Variants in TRPC3 observed in about 807,000 individuals in gnomAD.
The protein encoded by TRPC3 is short transient receptor potential channel 3.
In TRPC3, 54 loss-of-function variants were observed where a neutral mutation model predicts 90.9. The observed-to-expected ratio is 0.59, with a 90% CI of 0.48 to 0.75. The LOEUF (loss-of-function observed/expected upper bound fraction) is 0.75, where lower values mean the gene tolerates loss of function less well. Ranked by LOEUF, TRPC3 falls within the 30% of genes least tolerant of loss-of-function variation. TRPC3 has a pLI of 0.00. For missense variants in TRPC3, 918 were observed against 1,194.5 expected, an observed-to-expected ratio of 0.77 and a Z score of 3.41; for synonymous variants, 424 against 450.9, an observed-to-expected ratio of 0.94 and a Z score of 0.75.
At chr4:121,886,795 T>G (rs1010968273) in intron 10 of TRPC3, among the ~76,000 whole-genome samples, 1 of 152,116 alleles carries the variant, frequency 6.6e-6, no homozygotes, top group Non-Finnish European at 1.5e-5. Context: ...TCTGTTGACC[T>G]AAAGAAAAAA....
At chr4:121,939,958 G>A (rs1730248595) in intron 1 of TRPC3, among the ~76,000 whole-genome samples, 1 of 152,194 alleles carries the variant, frequency 6.6e-6, no homozygotes, top group African/African-American at 2.4e-5. Context: ...GCAGGGGAAA[G>A]GGTAGTTCCC....
chr4:121,881,776 C>G, intron 11 of TRPC3, among the ~76,000 whole-genome samples: 1 of 152,062 alleles, frequency 6.6e-6, no homozygotes, highest in South Asian at 2.1e-4. Context: ...GTGTTTAGCT[C>G]TACATCCTAG....
In TRPC3 at chr4:121,874,922, A is replaced by G. The variant is rs575346939; in HGVS notation, c.*4814T>C. Among the ~76,000 whole-genome samples the G allele has an allele frequency of 1.4e-3, 220 of 152,262 alleles. No homozygotes were observed. The highest frequency in any genetic ancestry group is 3.4e-3 in the Middle Eastern group (1 of 294). On this transcript the variant is annotated 3_prime_UTR_variant, in exon 12 of 12. Transcript: ENST00000379645. ...TGAGGCTCAAGATTGCTTGAGCCCA[A>G]CAATCCAGCCTGGGCAAAATAGCAA... is the stretch of plus-strand genomic sequence containing the variant.
At chr4:121,890,584 C>G (rs560929702) in intron 10 of TRPC3, among the ~76,000 whole-genome samples, 2 of 152,174 alleles carry the variant, frequency 1.3e-5, no homozygotes, top group Admixed American at 6.5e-5. Flanking sequence ...ATTCAGCAGG[C>G]TTTAAATTGG....
intron 8 of TRPC3, 107 bp downstream of exon 8, chr4:121,904,215 G>A: frequency 1.1e-6 from 1 of 950,554 alleles, no homozygotes; most frequent in Non-Finnish European, 1.5e-6. Context: ...GTGGATATAA[G>A]CCTCTTTGTT....
chr4:121,912,970 T>C (rs1355339699), intron 4 of TRPC3, among the ~76,000 whole-genome samples: 2 of 152,256 alleles, frequency 1.3e-5, no homozygotes, highest in African/African-American at 4.8e-5. Context: ...CAGACCCTGC[T>C]TTTTAACTCT....
chr4:121,937,622 A>G (rs1314871418), intron 1 of TRPC3, among the ~76,000 whole-genome samples: 1 of 152,234 alleles, frequency 6.6e-6, no homozygotes, highest in Non-Finnish European at 1.5e-5. Flanking sequence ...AAAGAGTTAA[A>G]GAGATTGTTC....
rs965386017 is a variant in TRPC3, at chr4:121,879,260, A to G, written c.*476T>C. 2.0e-5 allele frequency: 3 copies of G among 151,788 alleles called. No homozygotes were observed. Among genetic ancestry groups the G allele is most frequent in the Admixed American group, 2.0e-4 (3 of 15,218 alleles). 9.4% of individuals were successfully genotyped at this position (151,788 alleles called of 1,614,324 possible). A position where few individuals can be genotyped will look rare whatever the true frequency, so the allele number is the denominator to read the frequency against. On this transcript the variant is annotated 3_prime_UTR_variant, in exon 12 of 12. Transcript: ENST00000379645. ...AAAAAAAAAAAAAAACCTCTTCAGA[A>G]CTTGGACAAGGGAAGGTATGCTACA...
intron 4 of TRPC3, among the ~76,000 whole-genome samples, chr4:121,913,376 G>T (rs1050842061): frequency 6.6e-6 from 1 of 152,148 alleles, no homozygotes; most frequent in Non-Finnish European, 1.5e-5. Flanking sequence ...TTGCTATGTT[G>T]CCTTTTTCCA....
At chr4:121,881,402 C>G (rs913309764) in intron 11 of TRPC3, among the ~76,000 whole-genome samples, 6 of 152,042 alleles carry the variant, frequency 3.9e-5, no homozygotes, top group African/African-American at 1.4e-4. Flanking sequence ...TCTCCACCCC[C>G]CATGGAGATT....
rs1297015912 is a variant in TRPC3, at chr4:121,910,099, T to C, written c.1792+55A>G. 15 of 1,402,844 alleles carry C rather than the reference T, an allele frequency of 1.1e-5. No homozygotes were observed. The Admixed American group carries it at 2.1e-4, about 19-fold the overall frequency. The allele number at this position is 1,402,844 out of a possible 1,614,324, so 86.9% of individuals were successfully genotyped here. A position where few individuals can be genotyped will look rare whatever the true frequency, so the allele number is the denominator to read the frequency against. On this transcript the variant is annotated intron_variant, in intron 6 of 11. Transcript: ENST00000379645. ...CTCCAATTGGCATTTCCTTCCAAAA[T>C]GTGGTTCCAATACCTTTCCCAAAAC...
At chr4:121,894,804 TC>T (rs2149111803) in intron 10 of TRPC3, among the ~76,000 whole-genome samples, 1 of 152,108 alleles carries the variant, frequency 6.6e-6, no homozygotes, top group Admixed American at 6.5e-5. Flanking sequence ...GCTTAAGCAA[TC>T]CTTCTGCCTT....
In TRPC3 at chr4:121,902,875, C is replaced by T; in HGVS notation, c.2440G>A (p.Gly814Arg). The part of the protein sequence containing the change: ...RRRLQKDIEM[G>R]MGNSKSRLNL... ...ACCCTGGACTTTGAGTTACCCATTC[C>T]CATTTCTATATCCTTCTGAAGCCTT... The change falls in exon 9 of 12, where the codon GGA becomes AGA. Residue 814 changes from glycine to arginine, a missense_variant. Transcript: ENST00000379645. The T allele has an allele frequency of 6.2e-7, 1 of 1,610,378 alleles. No homozygotes were observed. Among genetic ancestry groups the T allele is most frequent in the Non-Finnish European group, 8.5e-7 (1 of 1,178,478 alleles).
chr4:121,948,065 T>C (rs1372804333), intron 1 of TRPC3, among the ~76,000 whole-genome samples: 1 of 152,200 alleles, frequency 6.6e-6, no homozygotes, highest in African/African-American at 2.4e-5. Context: ...TAATCTCATG[T>C]AGTCACACAA....
At chr4:121,899,719 A>C in intron 9 of TRPC3, 24 bp from the exon 10 acceptor site, 1 of 1,507,870 alleles carries the variant, frequency 6.6e-7, no homozygotes, top group Non-Finnish European at 9.2e-7. Flanking sequence ...CAATTAACCT[A>C]GTAAATTAGA....
chr4:121,918,796 G>A (rs1560705067), intron 3 of TRPC3, among the ~76,000 whole-genome samples: 1 of 152,154 alleles, frequency 6.6e-6, no homozygotes, highest in Non-Finnish European at 1.5e-5. Flanking sequence ...TACACAAGGA[G>A]CATTTCAAAA....
At chr4:121,924,156 G>A (rs763318621) in intron 3 of TRPC3, among the ~76,000 whole-genome samples, 31 of 152,242 alleles carry the variant, frequency 2.0e-4, no homozygotes, top group Non-Finnish European at 2.2e-4. Context: ...GCAATCCTCA[G>A]TTTCCTTGTA....
chr4:121,896,042 C>T (rs1452057541), intron 10 of TRPC3, among the ~76,000 whole-genome samples: 1 of 152,100 alleles, frequency 6.6e-6, no homozygotes, highest in African/African-American at 2.4e-5. Flanking sequence ...AAACATCATA[C>T]ATCACATCAA....
intron 1 of TRPC3, among the ~76,000 whole-genome samples, chr4:121,935,163 T>C (rs1291453228): frequency 6.6e-6 from 1 of 152,182 alleles, no homozygotes; most frequent in Non-Finnish European, 1.5e-5. Context: ...GTGAATCTCT[T>C]TATTGAACAT....
Sources: gnomAD v4.1 joint callset for allele counts (sites outside exome capture counted in the v4.1 genomes callset) on GRCh38, gnomAD v4.1.1 for gene constraint, MANE v1.5 for transcripts, NCBI Gene and HGNC (gene_info 2026-07-23, HGNC 2026-07-21) for gene names.